The following CORO1C variants were observed in gnomAD, a reference collection of about 807,000 sequenced individuals.
CORO1C encodes the protein coronin-1C.
Under a neutral mutation model 51.2 loss-of-function variants are expected in CORO1C, and 14 were observed. The observed-to-expected ratio is 0.27, with a 90% confidence interval of 0.18 to 0.43. CORO1C has a LOEUF of 0.43. Among genes scored for constraint, CORO1C ranks in the 20% least tolerant of loss-of-function variants. CORO1C has a pLI of 1.00. For missense variants in CORO1C, 417 were observed against 607.8 expected, an observed-to-expected ratio of 0.69 and a Z score of 3.30; for synonymous variants, 181 against 210.5, an observed-to-expected ratio of 0.86 and a Z score of 1.21.
In CORO1C at chr12:108,645,607, A is replaced by C. The variant is rs2032319697; in HGVS notation, c.*1796T>G. 1.3e-5 allele frequency: 2 copies of C among 152,194 alleles called. No homozygotes were observed. The highest frequency in any genetic ancestry group is 4.8e-5 in the African/African-American group (2 of 41,440). The allele number at this position is 152,194 out of a possible 1,614,324, so 9.4% of individuals were successfully genotyped here. On this transcript the variant is annotated 3_prime_UTR_variant, in exon 11 of 11. Transcript: ENST00000261401. ...CATACATACACACACACAAAACCAC[A>C]TCAAACATTCAGATGCCCTGAAATT...
rs2033135233 is a variant in CORO1C at position 108,658,831 on chromosome 12, A to G, written c.537T>C (p.Asn179=). ...LDDMHSDMIY[N]VSWNRNGSLI... ...GACTGCCATTCCGGTTCCAGCTCAC[A>G]TTGTAAATCATGTCTGAATGCATAT... is the stretch of plus-strand genomic sequence containing the variant. The change falls in exon 5 of 11, where the codon AAT becomes AAC. Residue 179 remains asparagine, a synonymous_variant. Transcript: ENST00000261401. The surrounding 1 kb of genome is among the most constrained non-coding windows in gnomAD (Gnocchi z 4.9). The G allele has an allele frequency of 6.2e-7, 1 of 1,613,862 alleles. No individual in the cohort carries two copies. Among genetic ancestry groups the G allele is most frequent in the Admixed American group, 1.7e-5 (1 of 60,010 alleles).
intron 3 of CORO1C, among the ~76,000 whole-genome samples, chr12:108,670,102 A>G (rs1346863222): frequency 1.3e-5 from 2 of 152,364 alleles, no homozygotes; most frequent in Non-Finnish European, 2.9e-5. Context: ...GTAAAAAGAC[A>G]GAGCTAGCAG....
Position 108,654,429 on chromosome 12 carries a change from T to C in CORO1C, c.751-19A>G, listed in dbSNP as rs377132460. 16 of 1,370,574 alleles carry C rather than the reference T, an allele frequency of 1.2e-5. No homozygotes were observed. In the African/African-American group the frequency reaches 1.9e-4, roughly 16 times the overall value. 84.9% of individuals were successfully genotyped at this position (1,370,574 alleles called of 1,614,324 possible). ...TATTTTTCTGGGGGGAAGATAATAA[T>C]AATACATATATGTGTATGTATACAT... On this transcript the variant is annotated intron_variant, in intron 6 of 10. Transcript: ENST00000261401.
chr12:108,655,448 C>T (rs945577026), intron 6 of CORO1C, among the ~76,000 whole-genome samples: 1 of 149,968 alleles, frequency 6.7e-6, no homozygotes, highest in Non-Finnish European at 1.5e-5. Flanking sequence ...CGAAGCTGGA[C>T]GCTGCCATCT....
At chr12:108,670,357 C>T (rs2136823303) in intron 3 of CORO1C, among the ~76,000 whole-genome samples, 1 of 152,250 alleles carries the variant, frequency 6.6e-6, no homozygotes, top group East Asian at 1.9e-4. Flanking sequence ...CACATGGGTA[C>T]TGAATTTAAA....
intron 1 of CORO1C, among the ~76,000 whole-genome samples, chr12:108,703,839 T>C (rs976038227): frequency 4.6e-5 from 7 of 152,294 alleles, no homozygotes; most frequent in Admixed American, 2.0e-4. Flanking sequence ...TTCTATACAG[T>C]GGGGCCTCCA....
intron 1 of CORO1C, among the ~76,000 whole-genome samples, chr12:108,705,068 T>G (rs2034988388): frequency 6.6e-6 from 1 of 152,224 alleles, no homozygotes; most frequent in African/African-American, 2.4e-5. Context: ...ATTGTCATCC[T>G]AGTAACTGAC....
In CORO1C at chr12:108,654,457, T is replaced by C. The variant is rs988131277; in HGVS notation, c.751-47A>G. 4 of 1,105,780 alleles carry C rather than the reference T, an allele frequency of 3.6e-6. No homozygotes were observed. The African/African-American group carries it at 6.3e-5, about 18-fold the overall frequency. 68.5% of individuals were successfully genotyped at this position (1,105,780 alleles called of 1,614,324 possible). ...TACATATATGTGTATGTATACATTT[T>C]TTTAAAAATAAATTTTTATAACCTT... On this transcript the variant is annotated intron_variant, in intron 6 of 10. Transcript: ENST00000261401.
At chr12:108,680,698 T>C (rs2034094920) in intron 2 of CORO1C, among the ~76,000 whole-genome samples, 1 of 152,220 alleles carries the variant, frequency 6.6e-6, no homozygotes, top group African/African-American at 2.4e-5. Context: ...CCCCAGCACT[T>C]GAAGTACTCA....
chr12:108,659,022 GAGAGAGAGAGAGAA>G (rs1263978737), intron 4 of CORO1C, 103 bp from the exon 5 acceptor site: 23 of 1,036,518 alleles, frequency 2.2e-5, no homozygotes, highest in African/African-American at 6.4e-5. Flanking sequence ...TATATGCAGA[GAGAGAGAGAGAGAA>G]AGAGAGAGAG....
chr12:108,726,405 C>A (rs1206652420), intron 1 of CORO1C, among the ~76,000 whole-genome samples: 4 of 147,576 alleles, frequency 2.7e-5, no homozygotes, highest in Non-Finnish European at 4.5e-5. Flanking sequence ...CTAGCCTGGG[C>A]GACAGAGTGA....
intron 1 of CORO1C, among the ~76,000 whole-genome samples, chr12:108,721,363 C>T (rs1248377672): frequency 6.6e-6 from 1 of 152,212 alleles, no homozygotes; most frequent in Non-Finnish European, 1.5e-5. Context: ...CACCCTCAGG[C>T]AGGATCTCAC....
At chr12:108,683,727 A>G (rs982509458) in intron 2 of CORO1C, among the ~76,000 whole-genome samples, 10 of 152,186 alleles carry the variant, frequency 6.6e-5, no homozygotes, top group African/African-American at 2.2e-4. Flanking sequence ...GATCAGTAGT[A>G]TAACTCTACC....
chr12:108,695,875 A>AAAAAAAAT (rs1491529320), intron 2 of CORO1C, among the ~76,000 whole-genome samples: 1 of 151,340 alleles, frequency 6.6e-6, no homozygotes, highest in Non-Finnish European at 1.5e-5. Context: ...AAAAAAAAAA[A>AAAAAAAAT]CAGTCTTTCA....
rs757883118 is a variant in CORO1C, at chr12:108,648,733, C to T, written c.1177G>A (p.Gly393Arg). 8.7e-6 allele frequency: 14 copies of T among 1,614,050 alleles called. No individual in the cohort carries two copies. Among genetic ancestry groups the T allele is most frequent in the South Asian group, 1.1e-5 (1 of 91,088 alleles). ...ADPILISLKH[G>R]YIPGKNRDLK... ...TCCCTGTTTTTGCCTGGAATGTACC[C>T]GTGCTTCAAGGAGATGAGGATTGGG... Residue 393 changes from glycine to arginine, a missense_variant, in exon 10 of 11, where the codon GGG becomes AGG. Gly to Arg is a moderately radical substitution (Grantham distance 125). Coordinates refer to ENST00000261401, the MANE Select transcript of CORO1C (RefSeq NM_014325.4).
At chr12:108,730,473 G>C (rs758547610) in intron 1 of CORO1C, 2 of 152,400 alleles carry the variant, frequency 1.3e-5, no homozygotes, top group African/African-American at 4.8e-5. Context: ...GCGTGCGCCG[G>C]TGGGGACAGG....
intron 1 of CORO1C, among the ~76,000 whole-genome samples, chr12:108,713,615 G>A (rs774545567): frequency 7.9e-5 from 12 of 152,212 alleles, no homozygotes; most frequent in Non-Finnish European, 1.6e-4. Flanking sequence ...CCTGGAGAGA[G>A]TTCCAAAGCT....
chr12:108,655,960 G>A (rs1013285546), intron 6 of CORO1C, among the ~76,000 whole-genome samples: 2 of 138,574 alleles, frequency 1.4e-5, no homozygotes, highest in African/African-American at 2.7e-5. Flanking sequence ...GCCGCCCATC[G>A]TCTGAGATGT....
rs748268093 is a variant in CORO1C at position 108,678,401 on chromosome 12, G to A, written c.196-7C>T. 1 of 1,569,272 alleles carries A rather than the reference G, an allele frequency of 6.4e-7. No individual in the cohort carries two copies. The highest frequency in any genetic ancestry group is 8.7e-7 in the Non-Finnish European group (1 of 1,155,280). ...ATTTGTCAATTCGACCAGTCTGAAA[G>A]AAGAGAGAAACAAACCTATTATGTA... On this transcript the variant is annotated splice_region_variant and splice_polypyrimidine_tract_variant and intron_variant, in intron 2 of 10. Transcript: ENST00000261401.
Sources: allele counts gnomAD v4.1 joint callset (sites outside exome capture counted in the v4.1 genomes callset), GRCh38; gene constraint gnomAD v4.1.1; non-coding constraint Gnocchi (gnomAD v3.1); transcripts MANE v1.5; gene names NCBI Gene and HGNC (gene_info 2026-07-23, HGNC 2026-07-21).